Variants in MDFIC observed in about 807,000 individuals in gnomAD.
The protein encoded by MDFIC is myoD family inhibitor domain-containing protein.
MDFIC carries 17 observed loss-of-function variants against 23.2 expected under a neutral mutation model. The ratio of observed to expected loss-of-function variants is 0.73; its 90% CI spans 0.50 to 1.10. The LOEUF (loss-of-function observed/expected upper bound fraction) is 1.10. Ranked by LOEUF, MDFIC falls within the 50% of genes least tolerant of loss-of-function variation. The pLI, the probability that MDFIC is intolerant of heterozygous loss-of-function variation, is 0.00. For synonymous variants in MDFIC, 120 were observed against 115.2 expected, an observed-to-expected ratio of 1.04 and a Z score of -0.27; for missense variants, 356 against 316.6, an observed-to-expected ratio of 1.12 and a Z score of -0.95.
At position 115,015,782 on chromosome 7, in the gene MDFIC, C is replaced by T. The variant is rs1433882404; in HGVS notation, c.588C>T (p.Thr196=). Residue 196 remains threonine (T), a synonymous_variant, in exon 5 of 5, where the codon ACC becomes ACT. Coordinates refer to ENST00000393486, the MANE Select transcript of MDFIC (RefSeq NM_001166345.3). ...VLGQASCGIC[T]SEACCCCCGD... The stretch of plus-strand genomic sequence containing the variant: ...GACAAGCGTCATGTGGCATCTGCAC[C>T]TCAGAAGCCTGCTGCTGTTGCTGTG... 1 of 1,614,200 alleles carries T rather than the reference C, an allele frequency of 6.2e-7. No individual in the cohort carries two copies. The highest frequency in any genetic ancestry group is 8.5e-7 in the Non-Finnish European group (1 of 1,180,036).
At position 114,922,921 on chromosome 7, in the gene MDFIC, C is replaced by T. The variant is rs779936822; in HGVS notation, c.-107-6C>T. ...TTTTTTTTAATTTTGTATATTTTTC[C>T]GCCAGAAGCAGTCAGTTCCCTGCAC... On this transcript the variant is annotated splice_region_variant and splice_polypyrimidine_tract_variant and intron_variant, in intron 1 of 4. Transcript: ENST00000393486. 57 of 1,585,566 alleles carry T rather than the reference C, an allele frequency of 3.6e-5. No homozygotes were observed. Among genetic ancestry groups the T allele is most frequent in the Non-Finnish European group, 3.5e-5 (41 of 1,167,164 alleles).
chr7:114,944,696 T>C (rs1792611685), intron 3 of MDFIC, among the ~76,000 whole-genome samples: 1 of 152,208 alleles, frequency 6.6e-6, no homozygotes. Flanking sequence ...AACTCTGAAG[T>C]TAGGAAGATG....
At chr7:114,958,870 G>T (rs751018050) in intron 3 of MDFIC, among the ~76,000 whole-genome samples, 1 of 151,994 alleles carries the variant, frequency 6.6e-6, no homozygotes, top group Non-Finnish European at 1.5e-5. Flanking sequence ...ATCTTCCTCC[G>T]GTTTGCTTAT....
Position 114,991,142 on chromosome 7 carries a change from G to A in MDFIC, c.493+11361G>A, listed in dbSNP as rs544699422. Among the ~76,000 whole-genome samples the A allele has an allele frequency of 1.8e-3, 267 of 152,254 alleles. 1 individual carries two copies. Among genetic ancestry groups the A allele is most frequent in the African/African-American group, 6.1e-3 (252 of 41,552 alleles). ...TCATGTGTCTGTTGGCTGCATAAAT[G>A]TCTTGTTTTGAGAAGTGTCTGTTCA... is the stretch of plus-strand genomic sequence containing the variant. On this transcript the variant is annotated intron_variant, in intron 4 of 4. Transcript: ENST00000393486.
intron 2 of MDFIC, among the ~76,000 whole-genome samples, chr7:114,929,613 C>A (rs773504765): frequency 9.9e-5 from 15 of 151,996 alleles, no homozygotes; most frequent in Non-Finnish European, 1.8e-4. Context: ...TGAGTGGCAA[C>A]CTAGGAGGAG....
At chr7:115,000,122 A>G (rs1269232472) in intron 4 of MDFIC, among the ~76,000 whole-genome samples, 5 of 152,218 alleles carry the variant, frequency 3.3e-5, no homozygotes, top group African/African-American at 1.2e-4. Flanking sequence ...TGAACGACAT[A>G]TAGAACGGTG....
intron 3 of MDFIC, among the ~76,000 whole-genome samples, chr7:114,976,377 A>T (rs1793315170): frequency 6.6e-6 from 1 of 152,102 alleles, no homozygotes; most frequent in African/African-American, 2.4e-5. Flanking sequence ...CTTTTTTGGC[A>T]TCTTTTTAAA....
At chr7:114,979,824 A>T (rs779487937) in intron 4 of MDFIC, 43 bp downstream of exon 4, 2 of 1,582,128 alleles carry the variant, frequency 1.3e-6, no homozygotes, top group Non-Finnish European at 1.7e-6. Context: ...CCAGATGTAA[A>T]ATAATATTTC....
In MDFIC at chr7:114,992,535, A is replaced by G. The variant is rs542994989; in HGVS notation, c.493+12754A>G. On this transcript the variant is annotated intron_variant, in intron 4 of 4. Transcript: ENST00000393486. ...TTGAGATATGTCCCAGCAATACCGA[A>G]TTTATTGAGAGTTTTTAGTATGAAG... Among the ~76,000 whole-genome samples the G allele has an allele frequency of 3.9e-5, 6 of 152,268 alleles. No homozygotes were observed. In the East Asian group the frequency reaches 9.7e-4, roughly 24 times the overall value.
intron 3 of MDFIC, among the ~76,000 whole-genome samples, chr7:114,942,839 G>C (rs1168342579): frequency 6.6e-6 from 1 of 152,078 alleles, no homozygotes; most frequent in Non-Finnish European, 1.5e-5. Flanking sequence ...AATTTTTTGT[G>C]ATATTCTTCT....
chr7:114,979,569 G>T lies in MDFIC; in HGVS notation c.281G>T (p.Gly94Val), dbSNP rs750658797. 4 of 1,613,920 alleles carry T rather than the reference G, an allele frequency of 2.5e-6. No homozygotes were observed. Among genetic ancestry groups the T allele is most frequent in the Non-Finnish European group, 3.4e-6 (4 of 1,179,982 alleles). Residue 94 changes from glycine (G) to valine (V), a missense_variant, in exon 4 of 5, where the codon GGC (glycine) becomes GTC (valine). Gly to Val is a moderately radical substitution (Grantham distance 109, BLOSUM62 -3). Coordinates refer to ENST00000393486, the MANE Select transcript of MDFIC (RefSeq NM_001166345.3). ...SAQVPSGEEI[G>V]KIKNGHTGLS... Reference sequence around the variant, plus strand: ...CAGGTGCCAAGTGGTGAGGAAATAGGCAAGATAAAGAACGGCCACACAGGT... The same window carrying T: ...CAGGTGCCAAGTGGTGAGGAAATAGTCAAGATAAAGAACGGCCACACAGGT...
chr7:114,949,576 A>C (rs755846777), intron 3 of MDFIC, among the ~76,000 whole-genome samples: 6 of 152,222 alleles, frequency 3.9e-5, no homozygotes, highest in Non-Finnish European at 7.3e-5. Flanking sequence ...GAGTAATTTT[A>C]AAAACAAAAT....
At chr7:114,935,085 T>C (rs1792397852) in intron 2 of MDFIC, among the ~76,000 whole-genome samples, 1 of 152,162 alleles carries the variant, frequency 6.6e-6, no homozygotes, top group African/African-American at 2.4e-5. Context: ...ACCTAGTTTT[T>C]TTTGTTACTT....
intron 2 of MDFIC, among the ~76,000 whole-genome samples, chr7:114,930,455 T>C (rs758968547): frequency 2.6e-5 from 4 of 152,016 alleles, no homozygotes; most frequent in East Asian, 3.9e-4. Flanking sequence ...AGAAAAAAAA[T>C]TGTGGCTGTT....
At chr7:115,001,585 G>T (rs1317332706) in intron 4 of MDFIC, among the ~76,000 whole-genome samples, 1 of 152,114 alleles carries the variant, frequency 6.6e-6, no homozygotes, top group African/African-American at 2.4e-5. Flanking sequence ...AAAACCAAAA[G>T]CCATCATTAC....
At chr7:114,929,777 A>G (rs1585091225) in intron 2 of MDFIC, among the ~76,000 whole-genome samples, 1 of 152,246 alleles carries the variant, frequency 6.6e-6, no homozygotes, top group African/African-American at 2.4e-5. Flanking sequence ...TAATGAGAAG[A>G]AAGCCGGAAG....
At chr7:114,923,987 A>C (rs930123262) in intron 2 of MDFIC, among the ~76,000 whole-genome samples, 4 of 152,192 alleles carry the variant, frequency 2.6e-5, no homozygotes, top group African/African-American at 9.7e-5. Flanking sequence ...CACTTGTACT[A>C]ATGTAGTGAA....
chr7:114,927,471 C>G (rs1792215910), intron 2 of MDFIC, among the ~76,000 whole-genome samples: 1 of 151,908 alleles, frequency 6.6e-6, no homozygotes, highest in Non-Finnish European at 1.5e-5. Flanking sequence ...AATTCATCCT[C>G]AAAATACTGC....
chr7:114,995,021 A>G (rs190120021), intron 4 of MDFIC, among the ~76,000 whole-genome samples: 3 of 152,268 alleles, frequency 2.0e-5, no homozygotes, highest in East Asian at 1.9e-4. Context: ...ACATAGCCCC[A>G]TATTTCTTGG....
Sources: allele counts gnomAD v4.1 joint callset (sites outside exome capture counted in the v4.1 genomes callset), GRCh38; gene constraint gnomAD v4.1.1; transcripts MANE v1.5; gene names NCBI Gene and HGNC (gene_info 2026-07-23, HGNC 2026-07-21).